AMMECR1: variants seen among roughly 807,000 people sequenced by gnomAD.
AMMECR1 encodes nuclear protein AMMECR1.
Under a neutral mutation model 22.5 loss-of-function variants are expected in AMMECR1, and 3 were observed. The observed-to-expected ratio is 0.13, with a 90% CI of 0.06 to 0.35. AMMECR1 has a LOEUF of 0.35. Among genes scored for constraint, AMMECR1 ranks in the 10% least tolerant of loss-of-function variants. AMMECR1 has a pLI of 1.00. For missense variants in AMMECR1, 235 were observed against 278.7 expected, an observed-to-expected ratio of 0.84 and a Z score of 1.12; for synonymous variants, 130 against 116.7, an observed-to-expected ratio of 1.11 and a Z score of -0.74.
chrX:110,249,797 G>A (rs2067677914), intron 2 of AMMECR1, among the ~76,000 whole-genome samples: 1 of 111,793 alleles, frequency 8.9e-6, no homozygotes. Flanking sequence ...CTACTTGGGA[G>A]GCTGAGGCGG....
At chrX:110,368,363 A>G (rs12842304) in intron 2 of AMMECR1, among the ~76,000 whole-genome samples, 1 of 110,389 alleles carries the variant, frequency 9.1e-6, no homozygotes, top group Non-Finnish European at 1.9e-5. Flanking sequence ...CATTCCCATT[A>G]CCTCTCTGAC....
At chrX:110,287,467 T>C (rs1444690170) in intron 1 of AMMECR1, among the ~76,000 whole-genome samples, 1 of 112,107 alleles carries the variant, frequency 8.9e-6, no homozygotes, top group East Asian at 2.8e-4. Context: ...CTTGTTCCAA[T>C]TTCTATCTGC....
intron 2 of AMMECR1, among the ~76,000 whole-genome samples, chrX:110,370,821 A>G (rs1324132813): frequency 8.9e-6 from 1 of 112,207 alleles, no homozygotes; most frequent in Non-Finnish European, 1.9e-5. Flanking sequence ...CAAACAAAAA[A>G]TATTTTCAGG....
chrX:110,226,532 A>T (rs931464091), intron 2 of AMMECR1, among the ~76,000 whole-genome samples: 1 of 111,671 alleles, frequency 9.0e-6, no homozygotes, highest in African/African-American at 3.3e-5. Flanking sequence ...ACTTGAACCC[A>T]GGAGGTGGAG....
intron 1 of AMMECR1, among the ~76,000 whole-genome samples, chrX:110,427,313 A>G (rs12013732): frequency 3.0e-3 from 340 of 112,012 alleles, no homozygotes; most frequent in African/African-American, 9.4e-3. Context: ...AAATAGCCTC[A>G]CAACACCTGA....
intron 2 of AMMECR1, among the ~76,000 whole-genome samples, chrX:110,400,264 C>G (rs1408204366): frequency 9.4e-6 from 1 of 106,013 alleles, no homozygotes; most frequent in Admixed American, 1.0e-4. Flanking sequence ...GCTAAATGTT[C>G]AAACAACATG....
intron 2 of AMMECR1, among the ~76,000 whole-genome samples, chrX:110,351,927 G>A (rs948415162): frequency 2.7e-5 from 3 of 112,126 alleles, no homozygotes; most frequent in African/African-American, 6.5e-5. Flanking sequence ...AGATCTGAAT[G>A]TATGTTTCTA....
chrX:110,370,200 A>T (rs937295487), intron 2 of AMMECR1, among the ~76,000 whole-genome samples: 6 of 111,177 alleles, frequency 5.4e-5, no homozygotes, highest in African/African-American at 2.0e-4. Context: ...TAAAATTTTT[A>T]AATTTTTATT....
At chrX:110,242,903 A>G (rs1326451401) in intron 2 of AMMECR1, among the ~76,000 whole-genome samples, 1 of 112,359 alleles carries the variant, frequency 8.9e-6, no homozygotes, top group African/African-American at 3.2e-5. Flanking sequence ...TCACTACTCA[A>G]TGCTAGGCTA....
At chrX:110,232,210 T>C (rs1374156044) in intron 2 of AMMECR1, among the ~76,000 whole-genome samples, 1 of 111,916 alleles carries the variant, frequency 8.9e-6, no homozygotes, top group African/African-American at 3.3e-5. Flanking sequence ...CAACAGAATA[T>C]ACATTCTTCT....
rs182690829 is a variant in AMMECR1, at chrX:110,354,425, T to C, written c.-147-36576A>G. Among the ~76,000 whole-genome samples, 452 of 112,143 alleles carry C rather than the reference T, an allele frequency of 4.0e-3. 5 individuals are homozygous for C. The highest frequency in any genetic ancestry group is 0.013 in the African/African-American group (405 of 30,890). Reference sequence around the variant, plus strand: ...AAGAACTCTTTACATAGCATTTACATTGTATTAGGTATTATAAATAATCTA... The same window carrying C: ...AAGAACTCTTTACATAGCATTTACACTGTATTAGGTATTATAAATAATCTA... On this transcript the variant is annotated intron_variant, in intron 2 of 7. Transcript: ENST00000372057.
intron 1 of AMMECR1, among the ~76,000 whole-genome samples, chrX:110,430,675 TCA>T (rs2068790045): frequency 8.9e-6 from 1 of 112,481 alleles, no homozygotes; most frequent in Non-Finnish European, 1.9e-5. Context: ...TCTTGTGTTG[TCA>T]GTTAACCCTT....
intron 2 of AMMECR1, among the ~76,000 whole-genome samples, chrX:110,257,400 T>C (rs1156877946): frequency 2.7e-5 from 3 of 112,425 alleles, no homozygotes; most frequent in Non-Finnish European, 3.8e-5. Context: ...TAATGTTTGG[T>C]AAACTCCCTG....
intron 2 of AMMECR1, among the ~76,000 whole-genome samples, chrX:110,386,109 T>A (rs188116735): frequency 1.8e-5 from 2 of 111,353 alleles, no homozygotes; most frequent in Admixed American, 1.9e-4. Flanking sequence ...CAAGTTTTTG[T>A]GTAAAGATAT....
intron 2 of AMMECR1, among the ~76,000 whole-genome samples, chrX:110,353,167 T>C (rs2068217414): frequency 8.9e-6 from 1 of 111,972 alleles, no homozygotes; most frequent in African/African-American, 3.2e-5. Context: ...TAATGTCTTC[T>C]CTTTCATTTC....
chrX:110,383,410 A>C (rs2068433864), intron 2 of AMMECR1, among the ~76,000 whole-genome samples: 2 of 111,726 alleles, frequency 1.8e-5, no homozygotes, highest in Admixed American at 1.9e-4. Flanking sequence ...AAAAAGTGGC[A>C]GAATCTTACA....
intron 1 of AMMECR1, among the ~76,000 whole-genome samples, chrX:110,294,768 T>C (rs1236566012): frequency 9.0e-6 from 1 of 111,284 alleles, no homozygotes; most frequent in East Asian, 2.8e-4. Context: ...AGATACGTTA[T>C]ACTTAATTAT....
chrX:110,384,021 C>A (rs997691091), intron 2 of AMMECR1, among the ~76,000 whole-genome samples: 6 of 111,975 alleles, frequency 5.4e-5, no homozygotes, highest in Admixed American at 9.5e-5. Context: ...TGACACATTG[C>A]AAATGTTAGT....
At chrX:110,258,706 G>A (rs868027740) in intron 2 of AMMECR1, among the ~76,000 whole-genome samples, 1 of 111,961 alleles carries the variant, frequency 8.9e-6, no homozygotes, top group Non-Finnish European at 1.9e-5. Context: ...GCCAAAAATT[G>A]TTTGGCCTTA....
Sources: gnomAD v4.1 joint callset for allele counts (sites outside exome capture counted in the v4.1 genomes callset) on GRCh38, gnomAD v4.1.1 for gene constraint, MANE v1.5 for transcripts, NCBI Gene and HGNC (gene_info 2026-07-23, HGNC 2026-07-21) for gene names.